Variants in MUSK observed in about 807,000 individuals in gnomAD.
MUSK encodes muscle, skeletal receptor tyrosine-protein kinase.
A neutral mutation model predicts 88.7 loss-of-function variants in MUSK; 55 were observed. That is an observed-to-expected ratio of 0.62 (90% CI 0.50 to 0.78). The LOEUF (loss-of-function observed/expected upper bound fraction) is 0.78, where lower values mean the gene tolerates loss of function less well. Among genes scored for constraint, MUSK ranks in the 30% least tolerant of loss-of-function variants. The pLI is 0.00. For synonymous variants in MUSK, 387 were observed against 391.9 expected, an observed-to-expected ratio of 0.99 and a Z score of 0.15; for missense variants, 1,015 against 1,074.3, an observed-to-expected ratio of 0.94 and a Z score of 0.77.
chr9:110,749,244 C>T (rs1198759003), intron 7 of MUSK, among the ~76,000 whole-genome samples: 2 of 152,108 alleles, frequency 1.3e-5, no homozygotes, highest in Non-Finnish European at 2.9e-5. Context: ...AGAAGGAAGT[C>T]AGTCAGTCAC....
chr9:110,722,238 G>C (rs1587954205), intron 5 of MUSK, among the ~76,000 whole-genome samples: 1 of 152,162 alleles, frequency 6.6e-6, no homozygotes, highest in Middle Eastern at 3.4e-3. Flanking sequence ...AAGAAAAATA[G>C]ATGGGACTTG....
chr9:110,716,102 A>T (rs2076740108), intron 5 of MUSK, among the ~76,000 whole-genome samples: 1 of 149,824 alleles, frequency 6.7e-6, no homozygotes, highest in Non-Finnish European at 1.5e-5. Context: ...AAACCTGCAC[A>T]TCCTGCACTT....
intron 7 of MUSK, among the ~76,000 whole-genome samples, chr9:110,757,854 C>T (rs1300583489): frequency 6.6e-6 from 1 of 152,082 alleles, no homozygotes; most frequent in Non-Finnish European, 1.5e-5. Context: ...ACTCTCAGAG[C>T]TCATTTCTGT....
chr9:110,719,474 G>A (rs2076783920), intron 5 of MUSK, among the ~76,000 whole-genome samples: 1 of 151,990 alleles, frequency 6.6e-6, no homozygotes, highest in Non-Finnish European at 1.5e-5. Context: ...TAGAGCAATA[G>A]CAGTTAAGAA....
intron 8 of MUSK, among the ~76,000 whole-genome samples, chr9:110,762,719 A>G (rs1292508854): frequency 1.3e-5 from 2 of 152,210 alleles, no homozygotes; most frequent in Non-Finnish European, 2.9e-5. Flanking sequence ...TATCCCTTGC[A>G]ATATAACCTT....
intron 5 of MUSK, among the ~76,000 whole-genome samples, chr9:110,713,265 T>TTTC (rs1554742066): frequency 6.7e-6 from 1 of 148,888 alleles, no homozygotes; most frequent in African/African-American, 2.5e-5. Flanking sequence ...TTTTTTTCTT[T>TTTC]TTTTTTTTTT....
At position 110,800,989 on chromosome 9, in the gene MUSK, G is replaced by A. The variant is rs199785339; in HGVS notation, c.*1G>A. 5 of 1,507,162 alleles carry A rather than the reference G, an allele frequency of 3.3e-6. No homozygotes were observed. The highest frequency in any genetic ancestry group is 4.6e-5 in the Admixed American group (2 of 43,812). The allele number at this position is 1,507,162 out of a possible 1,614,324, so 93.4% of individuals were successfully genotyped here. On this transcript the variant is annotated 3_prime_UTR_variant, in exon 15 of 15. Transcript: ENST00000374448. The stretch of plus-strand genomic sequence containing the variant: ...GGCAGAGGGAACTGTGAGTGTCTAA[G>A]GTTGAAGACGTTCAAATAAAATGCT...
At chr9:110,698,397 A>C (rs1432463867) in intron 5 of MUSK, among the ~76,000 whole-genome samples, 2 of 152,224 alleles carry the variant, frequency 1.3e-5, no homozygotes, top group African/African-American at 4.8e-5. Flanking sequence ...GATAAGTGTT[A>C]GAGTATCACA....
At chr9:110,675,784 T>C (rs938710050) in intron 1 of MUSK, among the ~76,000 whole-genome samples, 1 of 145,630 alleles carries the variant, frequency 6.9e-6, no homozygotes, top group Non-Finnish European at 1.5e-5. Flanking sequence ...TGGCCAGGAA[T>C]CTCTTGAACT....
At chr9:110,721,250 C>A (rs545842101) in intron 5 of MUSK, among the ~76,000 whole-genome samples, 3 of 151,948 alleles carry the variant, frequency 2.0e-5, no homozygotes, top group Non-Finnish European at 2.9e-5. Context: ...AGCAATCAGA[C>A]AAGAGAAAGA....
At chr9:110,734,953 T>G (rs1478590662) in intron 6 of MUSK, among the ~76,000 whole-genome samples, 1 of 152,084 alleles carries the variant, frequency 6.6e-6, no homozygotes, top group Non-Finnish European at 1.5e-5. Context: ...ACAGGCAAAG[T>G]TCTCTGCCCT....
rs200771198 is a variant in MUSK, at chr9:110,757,805, G to GTA, written c.914-4388_914-4387dup. ...GAGTCTATGAACTCTACATGTATGT[G>GTA]TATATATATACATATGTATGCATTA... is the stretch of plus-strand genomic sequence containing the variant. On this transcript the variant is annotated intron_variant, in intron 7 of 14. Coordinates refer to ENST00000374448, the MANE Select transcript of MUSK (RefSeq NM_005592.4). Among the ~76,000 whole-genome samples the GTA allele has an allele frequency of 7.5e-3, 1,133 of 151,812 alleles. 14 individuals are homozygous for GTA. Among genetic ancestry groups the GTA allele is most frequent in the African/African-American group, 0.026 (1,093 of 41,394 alleles).
At chr9:110,725,882 T>G (rs2076877271) in intron 5 of MUSK, among the ~76,000 whole-genome samples, 1 of 151,940 alleles carries the variant, frequency 6.6e-6, no homozygotes, top group Non-Finnish European at 1.5e-5. Context: ...AAATGATAAG[T>G]GGTAAAACAA....
At chr9:110,735,124 T>C (rs72756516) in intron 6 of MUSK, among the ~76,000 whole-genome samples, 267 of 152,222 alleles carry the variant, frequency 1.8e-3, no homozygotes, top group Non-Finnish European at 3.2e-3. Context: ...TGGGAATTAC[T>C]ACAGTCACTA....
At chr9:110,771,906 A>T (rs2077580862) in intron 9 of MUSK, among the ~76,000 whole-genome samples, 1 of 152,134 alleles carries the variant, frequency 6.6e-6, no homozygotes, top group South Asian at 2.1e-4. Context: ...CTCATCAATC[A>T]TAAATCATTA....
intron 3 of MUSK, among the ~76,000 whole-genome samples, chr9:110,688,479 T>G (rs2076226575): frequency 6.6e-6 from 1 of 152,012 alleles, no homozygotes. Context: ...TCATTTTGAG[T>G]TCAGGGGTAC....
intron 9 of MUSK, among the ~76,000 whole-genome samples, chr9:110,774,100 T>C (rs1183852107): frequency 6.6e-6 from 1 of 152,196 alleles, no homozygotes; most frequent in Non-Finnish European, 1.5e-5. Context: ...ACACTATTAT[T>C]TGATTTTGAA....
chr9:110,771,157 CCTT>C (rs1414538356), intron 9 of MUSK, among the ~76,000 whole-genome samples: 4 of 123,798 alleles, frequency 3.2e-5, no homozygotes, highest in African/African-American at 6.7e-5. Context: ...ATGCTCATTT[CCTT>C]CTTTTTTTTT....
At chr9:110,763,332 T>C (rs1216929972) in intron 8 of MUSK, among the ~76,000 whole-genome samples, 1 of 152,232 alleles carries the variant, frequency 6.6e-6, no homozygotes, top group Admixed American at 6.5e-5. Context: ...AGTCCATTTT[T>C]TAATCTAAAT....
Sources: allele counts gnomAD v4.1 joint callset (sites outside exome capture counted in the v4.1 genomes callset), GRCh38; gene constraint gnomAD v4.1.1; transcripts MANE v1.5; gene names NCBI Gene and HGNC (gene_info 2026-07-23, HGNC 2026-07-21).